Variants in MYO18B observed in about 807,000 individuals in gnomAD.
MYO18B encodes the protein myosin XVIIIB.
A neutral mutation model predicts 273.0 loss-of-function variants in MYO18B; 204 were observed. That is an observed-to-expected ratio of 0.75 (90% CI 0.67 to 0.84). The LOEUF (loss-of-function observed/expected upper bound fraction) is 0.84. Ranked by LOEUF, MYO18B falls within the 40% of genes least tolerant of loss-of-function variation. The pLI is 0.00. For missense variants in MYO18B, 3,212 were observed against 3,287.6 expected, an observed-to-expected ratio of 0.98 and a Z score of 0.56; for synonymous variants, 1,330 against 1,305.7, an observed-to-expected ratio of 1.02 and a Z score of -0.40.
At position 25,769,859 on chromosome 22, in the gene MYO18B, AT is replaced by A. The variant is rs57200528; in HGVS notation, c.1513-237del. On this transcript the variant is annotated intron_variant, in intron 4 of 43. Transcript: ENST00000335473. ...GCCCAGGAATCTGCATTTATGTAGT[AT>A]TTTTTTTTTTTTTGAGACGGAGTCT... 0.053 allele frequency among the ~76,000 whole-genome samples: 7,656 copies of A among 144,424 alleles called. 363 individuals are homozygous for A. Among genetic ancestry groups the A allele is most frequent in the African/African-American group, 0.13 (4,982 of 39,548 alleles). The allele number at this position is 144,424 out of a possible 152,430, so 94.7% of individuals were successfully genotyped here.
In MYO18B at chr22:25,763,047, G is replaced by T. The variant is rs559107477; in HGVS notation, c.40-184G>T. ...CTGCCCCTGTGTTCCATTTTCATGC[G>T]CTGTCTCAGGGACCCCCCTGAGTCG... is the stretch of plus-strand genomic sequence containing the variant. On this transcript the variant is annotated intron_variant, in intron 2 of 43. Coordinates refer to ENST00000335473, the MANE Select transcript of MYO18B (RefSeq NM_032608.7). 3.8e-5 allele frequency: 29 copies of T among 769,282 alleles called. No individual in the cohort carries two copies. In the South Asian group the frequency reaches 3.8e-4, roughly 10 times the overall value. The allele number at this position is 769,282 out of a possible 1,614,324, so 47.7% of individuals were successfully genotyped here.
chr22:25,863,271 A>T (rs2090792410), intron 21 of MYO18B, among the ~76,000 whole-genome samples: 2 of 152,186 alleles, frequency 1.3e-5, no homozygotes, highest in Non-Finnish European at 2.9e-5. Flanking sequence ...TTCTTTGAAC[A>T]TACTTATAAT....
rs776834472 is a variant in MYO18B, at chr22:25,876,343, G to C, written c.4224+11G>C. The stretch of plus-strand genomic sequence containing the variant: ...CTCCGAGCCAAGGAGGTCAGTCTAT[G>C]TGGCAGGCAGGGTGCTGGGTGGCTA... On this transcript the variant is annotated intron_variant, in intron 24 of 43. Coordinates refer to ENST00000335473, the MANE Select transcript of MYO18B (RefSeq NM_032608.7). The C allele has an allele frequency of 6.2e-7, 1 of 1,601,724 alleles. No homozygotes were observed. The highest frequency in any genetic ancestry group is 2.2e-5 in the East Asian group (1 of 44,478).
chr22:25,862,552 C>T (rs1449883094), intron 21 of MYO18B, among the ~76,000 whole-genome samples: 1 of 152,116 alleles, frequency 6.6e-6, no homozygotes, highest in Non-Finnish European at 1.5e-5. Context: ...TGAGAAGGTC[C>T]TTACTTCACC....
chr22:25,813,559 A>G (rs916084236), intron 12 of MYO18B, among the ~76,000 whole-genome samples: 2 of 152,160 alleles, frequency 1.3e-5, no homozygotes, highest in African/African-American at 4.8e-5. Flanking sequence ...CTTGAACTGA[A>G]TCTTGAAAAC....
intron 39 of MYO18B, among the ~76,000 whole-genome samples, chr22:25,973,575 G>A (rs9613057): frequency 6.6e-6 from 1 of 152,164 alleles, no homozygotes; most frequent in Non-Finnish European, 1.5e-5. Context: ...GTAGCCACCA[G>A]CCTCACAGGG....
At chr22:25,929,923 A>G (rs942942942) in intron 34 of MYO18B, among the ~76,000 whole-genome samples, 1 of 152,146 alleles carries the variant, frequency 6.6e-6, no homozygotes, top group African/African-American at 2.4e-5. Flanking sequence ...TTCAAGATCC[A>G]TTGGTAGTTT....
intron 1 of MYO18B, among the ~76,000 whole-genome samples, chr22:25,748,693 C>G (rs1189416686): frequency 6.6e-6 from 1 of 152,182 alleles, no homozygotes; most frequent in Non-Finnish European, 1.5e-5. Flanking sequence ...TCCTTCCTCC[C>G]TCCCTCTTCA....
At chr22:25,775,222 CT>C (rs774170008) in intron 7 of MYO18B, among the ~76,000 whole-genome samples, 9 of 152,230 alleles carry the variant, frequency 5.9e-5, no homozygotes, top group Non-Finnish European at 8.8e-5. Flanking sequence ...CATATCCCTC[CT>C]TTGCCTGCAT....
At chr22:25,807,590 C>T (rs966642618) in intron 12 of MYO18B, among the ~76,000 whole-genome samples, 2 of 152,154 alleles carry the variant, frequency 1.3e-5, no homozygotes, top group African/African-American at 4.8e-5. Context: ...AGGTCTCTCC[C>T]TGTGGGCTAG....
At position 25,997,958 on chromosome 22, in the gene MYO18B, A is replaced by ACAAAC. The variant is rs1569278959; in HGVS notation, c.6288-5307_6288-5306insCAAAC. Among the ~76,000 whole-genome samples, 498 of 105,748 alleles carry ACAAAC rather than the reference A, an allele frequency of 4.7e-3. 2 individuals carry two copies. The highest frequency in any genetic ancestry group is 0.02 in the African/African-American group (473 of 24,220). The allele number at this position is 105,748 out of a possible 152,430, so 69.4% of individuals were successfully genotyped here. On this transcript the variant is annotated intron_variant, in intron 40 of 43. Coordinates refer to ENST00000335473, the MANE Select transcript of MYO18B (RefSeq NM_032608.7). ...ACACACACACACACACACACACACAAACACACACACACACACACACGAGAG... is the reference window on the plus strand; with the variant it reads ...ACACACACACACACACACACACACAACAAACACACACACACACACACACACGAGAG...
intron 34 of MYO18B, among the ~76,000 whole-genome samples, chr22:25,922,617 G>C (rs940442583): frequency 7.2e-5 from 11 of 152,124 alleles, no homozygotes; most frequent in African/African-American, 2.7e-4. Flanking sequence ...TTCTTGGAGG[G>C]TTACTGTCCC....
chr22:25,846,951 C>T (rs1287192596), intron 19 of MYO18B, among the ~76,000 whole-genome samples: 2 of 151,916 alleles, frequency 1.3e-5, no homozygotes, highest in African/African-American at 4.8e-5. Flanking sequence ...CGTGGTGATG[C>T]ATGTCTGTAG....
At chr22:25,782,260 G>A (rs1330483948) in intron 10 of MYO18B, among the ~76,000 whole-genome samples, 1 of 152,240 alleles carries the variant, frequency 6.6e-6, no homozygotes, top group Admixed American at 6.5e-5. Context: ...GCTGTCTGCT[G>A]TGATAGTGGC....
the MYO18B span, among the ~76,000 whole-genome samples, chr22:26,049,745 T>A: frequency 5.3e-5 from 8 of 152,212 alleles, no homozygotes; most frequent in Non-Finnish European, 1.0e-4. Flanking sequence ...GGCCTGAGTT[T>A]GTGTCCTGAC....
At chr22:25,907,314 A>G (rs1181072516) in intron 31 of MYO18B, among the ~76,000 whole-genome samples, 2 of 152,202 alleles carry the variant, frequency 1.3e-5, no homozygotes, top group Non-Finnish European at 2.9e-5. Context: ...CAGTTCCAAC[A>G]TTATGCACGG....
Position 25,778,820 on chromosome 22 carries a change from G to A in MYO18B, c.2068+1039G>A, listed in dbSNP as rs558459023. ...ACTTTTTTTTTTTTAATCTAAAACA[G>A]CCCTATAAGGTAGGTATTATTATTT... On this transcript the variant is annotated intron_variant, in intron 8 of 43. Transcript: ENST00000335473. Among the ~76,000 whole-genome samples the A allele has an allele frequency of 5.3e-5, 8 of 150,204 alleles. No homozygotes were observed. In the South Asian group the frequency reaches 8.5e-4, roughly 16 times the overall value.
chr22:25,771,096 A>C, intron 6 of MYO18B, 112 bp downstream of exon 6: 3 of 800,862 alleles, frequency 3.7e-6, no homozygotes, highest in Non-Finnish European at 6.1e-6. Context: ...CTGACTACCA[A>C]TACCATTTTG....
Position 25,798,014 on chromosome 22 carries a change from T to A in MYO18B, c.2438T>A (p.Leu813His). 6.2e-7 allele frequency: 1 copy of A among 1,613,870 alleles called. No homozygotes were observed. Among genetic ancestry groups the A allele is most frequent in the South Asian group, 1.1e-5 (1 of 91,078 alleles). The change falls in exon 12 of 44, where the codon CTC (leucine) becomes CAC (histidine). Residue 813 changes from leucine (L) to histidine (H), a missense_variant. Physicochemically the swap from Leu to His is moderately conservative, Grantham distance 99. Transcript: ENST00000335473. ...CAGCTCCAGGGTGCCATGGAGATGC[T>A]CGGCATCTCAGAGAGCGAGCAGCGG... ...FAQLQGAMEM[L>H]GISESEQRAV...
Sources: allele counts gnomAD v4.1 joint callset (sites outside exome capture counted in the v4.1 genomes callset), GRCh38; gene constraint gnomAD v4.1.1; transcripts MANE v1.5; gene names NCBI Gene and HGNC (gene_info 2026-07-23, HGNC 2026-07-21).